NRG4: variants seen among roughly 807,000 people sequenced by gnomAD.
NRG4 encodes pro-neuregulin-4, membrane-bound isoform.
Under a neutral mutation model 15.0 loss-of-function variants are expected in NRG4, and 10 were observed. The observed-to-expected ratio is 0.67, with a 90% CI of 0.41 to 1.13. The LOEUF is 1.13. NRG4 is among the 50% of genes most tolerant of loss of function. NRG4 has a pLI of 0.00. For synonymous variants in NRG4, 41 were observed against 50.1 expected, an observed-to-expected ratio of 0.82 and a Z score of 0.77; for missense variants, 139 against 140.2, an observed-to-expected ratio of 0.99 and a Z score of 0.04.
intron 3 of NRG4, among the ~76,000 whole-genome samples, chr15:75,999,523 C>A (rs1438142202): frequency 6.6e-6 from 1 of 152,164 alleles, no homozygotes; most frequent in Admixed American, 6.5e-5. Flanking sequence ...ACAGCATTTG[C>A]CCCTTCTGCT....
At chr15:75,988,853 C>CTTTT (rs71444946) in intron 3 of NRG4, among the ~76,000 whole-genome samples, 32 of 109,660 alleles carry the variant, frequency 2.9e-4, no homozygotes, top group Non-Finnish European at 3.3e-4. Flanking sequence ...CTGCACCTTC[C>CTTTT]TTTTTTTTTT....
chr15:76,024,762 A>G (rs1008312362), intron 5 of NRG4, among the ~76,000 whole-genome samples: 4 of 152,196 alleles, frequency 2.6e-5, no homozygotes, highest in Non-Finnish European at 5.9e-5. Context: ...ACACTCATAA[A>G]TGTTAGTAGT....
chr15:76,047,499 T>C (rs2035899259), intron 4 of NRG4, among the ~76,000 whole-genome samples: 1 of 150,814 alleles, frequency 6.6e-6, no homozygotes, highest in African/African-American at 2.5e-5. Context: ...AGGCCAATTA[T>C]GTCAAGCAAA....
chr15:76,009,091 C>T, intron 3 of NRG4, 109 bp downstream of exon 3: 1 of 712,260 alleles, frequency 1.4e-6, no homozygotes, highest in South Asian at 1.6e-5. Flanking sequence ...ATGAATATGC[C>T]TCACATCTTT....
intron 3 of NRG4, among the ~76,000 whole-genome samples, chr15:75,963,990 G>C (rs556730063): frequency 1.3e-5 from 2 of 151,602 alleles, no homozygotes; most frequent in Non-Finnish European, 2.9e-5. Flanking sequence ...TATATGGTGG[G>C]AAACACAATT....
At chr15:75,959,069 A>T (rs908624763) in intron 4 of NRG4, 1 of 338,850 alleles carries the variant, frequency 3.0e-6, no homozygotes, top group African/African-American at 2.2e-5. Flanking sequence ...GCAGCCTCTC[A>T]TTCCTGGGCT....
chr15:76,050,674 G>A (rs888026703), intron 4 of NRG4, among the ~76,000 whole-genome samples: 1 of 137,538 alleles, frequency 7.3e-6, no homozygotes, highest in African/African-American at 2.8e-5. Flanking sequence ...TTGAACTCCT[G>A]ACCTCCTGAT....
upstream of NRG4, among the ~76,000 whole-genome samples, chr15:76,012,709 T>C (rs1180749275): frequency 1.3e-5 from 2 of 152,168 alleles, no homozygotes; most frequent in Admixed American, 6.5e-5. Flanking sequence ...GAAATTTTAA[T>C]GTGGAGCTAA....
At chr15:75,998,518 C>T (rs2034293146) in intron 3 of NRG4, among the ~76,000 whole-genome samples, 1 of 152,032 alleles carries the variant, frequency 6.6e-6, no homozygotes, top group African/African-American at 2.4e-5. Context: ...ATCAAAGAGG[C>T]TAATTTGGCT....
intron 2 of NRG4, among the ~76,000 whole-genome samples, 197 bp from the exon 3 acceptor site, chr15:76,009,490 A>G (rs540775314): frequency 2.6e-5 from 4 of 152,330 alleles, no homozygotes; most frequent in Admixed American, 2.6e-4. Flanking sequence ...GAGAAAAATT[A>G]TGTCCTAAAG....
intron 3 of NRG4, among the ~76,000 whole-genome samples, chr15:76,052,542 C>T (rs970177819): frequency 6.6e-6 from 1 of 150,862 alleles, no homozygotes; most frequent in African/African-American, 2.5e-5. Flanking sequence ...ATTATGAAAG[C>T]CACTTTTTAT....
intron 5 of NRG4, among the ~76,000 whole-genome samples, chr15:76,018,803 G>T (rs1490443875): frequency 2.0e-5 from 3 of 152,284 alleles, no homozygotes; most frequent in African/African-American, 7.2e-5. Flanking sequence ...GGAGACACAG[G>T]GGTTAGGGAC....
At chr15:76,026,638 G>C (rs763869243) in intron 5 of NRG4, among the ~76,000 whole-genome samples, 56 of 152,098 alleles carry the variant, frequency 3.7e-4, no homozygotes, top group Admixed American at 2.4e-3. Context: ...AGGAGAAAGA[G>C]AAAGGATTCA....
chr15:75,952,599 T>A (rs1167738482), intron 5 of NRG4, among the ~76,000 whole-genome samples: 1 of 150,818 alleles, frequency 6.6e-6, no homozygotes, highest in South Asian at 2.1e-4. Flanking sequence ...AAAGTTTTTT[T>A]TTTTTTAAGA....
intron 5 of NRG4, among the ~76,000 whole-genome samples, chr15:75,951,325 G>T (rs74772114): frequency 1.3e-5 from 2 of 151,538 alleles, no homozygotes; most frequent in Non-Finnish European, 2.9e-5. Flanking sequence ...CTGCCACCAC[G>T]CCCAGCTAGT....
rs182822206 is a variant in NRG4, at chr15:76,046,351, T to C, written c.-105+5716A>G. 1.5e-4 allele frequency among the ~76,000 whole-genome samples: 22 copies of C among 151,024 alleles called. No homozygotes were observed. The East Asian group carries it at 2.5e-3, about 17-fold the overall frequency. On this transcript the variant is annotated intron_variant, in intron 4 of 8. Coordinates refer to the NRG4 transcript ENST00000563910. ...TTCTTTATAAAAATAGGAAAAAAAA[T>C]TCTTAAATTTATATGGAACTACCAA...
At chr15:75,964,972 T>TC (rs2032725688) in intron 3 of NRG4, among the ~76,000 whole-genome samples, 1 of 152,030 alleles carries the variant, frequency 6.6e-6, no homozygotes, top group Non-Finnish European at 1.5e-5. Flanking sequence ...CCGCCTGTAA[T>TC]CCCAGCAGTT....
intron 5 of NRG4, among the ~76,000 whole-genome samples, chr15:76,027,792 G>A (rs2035355576): frequency 6.6e-6 from 1 of 151,836 alleles, no homozygotes; most frequent in African/African-American, 2.4e-5. Context: ...CACAAAACAA[G>A]TCTCAAATTT....
At chr15:76,030,731 C>G (rs560133319) in intron 5 of NRG4, among the ~76,000 whole-genome samples, 6 of 152,270 alleles carry the variant, frequency 3.9e-5, no homozygotes, top group Non-Finnish European at 7.4e-5. Context: ...CAAAAATAAA[C>G]AAATTTGAAT....
Sources: gnomAD v4.1 joint callset for allele counts (sites outside exome capture counted in the v4.1 genomes callset) on GRCh38, gnomAD v4.1.1 for gene constraint, MANE v1.5 for transcripts, NCBI Gene and HGNC (gene_info 2026-07-23, HGNC 2026-07-21) for gene names.